The following THNSL2 variants were observed in gnomAD, a reference collection of about 807,000 sequenced individuals.
THNSL2 encodes the protein threonine synthase-like 2.
THNSL2 carries 34 observed loss-of-function variants against 40.0 expected under a neutral mutation model. That is an observed-to-expected ratio of 0.85 (90% confidence interval 0.65 to 1.13). The LOEUF (loss-of-function observed/expected upper bound fraction) is 1.13, where lower values mean the gene tolerates loss of function less well. Ranked by LOEUF, THNSL2 falls within the 50% of genes most tolerant of loss-of-function variation. THNSL2 has a pLI of 0.00. For synonymous variants in THNSL2, 241 were observed against 247.5 expected (o/e 0.97, Z 0.25); for missense variants, 537 against 608.8 (o/e 0.88, Z 1.24).
rs143306537 is a variant in THNSL2, at chr2:88,174,779, C to T, written c.364C>T (p.Gln122Ter). ...GGACCTGTCCCTGTCCTGCACAACA[C>T]AGTTCCTGCAGTACTTCCTGGAGAA... ...FKDLSLSCTT[Q>*]FLQYFLEKRE... Residue 122 changes from glutamine (Q) to a stop codon, truncating the protein, a stop_gained, in exon 3 of 9, where the codon CAG (glutamine) becomes TAG (stop). Transcript: ENST00000674334. LOFTEE classifies it high-confidence loss of function. The T allele has an allele frequency of 5.6e-6, 9 of 1,614,126 alleles. No homozygotes were observed. Among genetic ancestry groups the T allele is most frequent in the Non-Finnish European group, 7.6e-6 (9 of 1,180,052 alleles).
intron 4 of THNSL2, 29 bp from the exon 5 acceptor site, chr2:88,178,754 C>G (rs1244519379): frequency 1.2e-6 from 2 of 1,612,950 alleles, no homozygotes; most frequent in Non-Finnish European, 1.7e-6. Flanking sequence ...ATGCTCCTGA[C>G]AGCTGCCCTC....
Position 88,186,288 on chromosome 2 carries a change from C to A in THNSL2, c.*165C>A. The A allele has an allele frequency of 1.4e-6, 1 of 696,438 alleles. No homozygotes were observed. The highest frequency in any genetic ancestry group is 2.4e-6 in the Non-Finnish European group (1 of 413,946). The allele number at this position is 696,438 out of a possible 1,614,324, so 43.1% of individuals were successfully genotyped here. A position where few individuals can be genotyped will look rare whatever the true frequency, so the allele number is the denominator to read the frequency against. On this transcript the variant is annotated 3_prime_UTR_variant, in exon 9 of 9. Coordinates refer to ENST00000674334, the MANE Select transcript of THNSL2 (RefSeq NM_018271.5). Reference sequence around the variant, plus strand: ...TGCTCCGTTCCCTGGCTAGTCTGTGCCTGGTCACCAGGGAGGCTGAGTGAG... The same window carrying A: ...TGCTCCGTTCCCTGGCTAGTCTGTGACTGGTCACCAGGGAGGCTGAGTGAG...
At chr2:88,183,192 C>T (rs993999299) in intron 7 of THNSL2, 119 bp downstream of exon 7, 1 of 1,380,242 alleles carries the variant, frequency 7.2e-7, no homozygotes, top group Non-Finnish European at 9.7e-7. Context: ...TGCTATGAGC[C>T]CACCACTTTT....
At position 88,174,643 on chromosome 2, in the gene THNSL2, G is replaced by T. The variant is rs1405054791; in HGVS notation, c.228G>T (p.Leu76=). Reference sequence around the variant, plus strand: ...TCCACCCCACTACCCTCACAGATCTGATCGACCGAGCCTTCAGCAGATTCC... The same window carrying T: ...TCCACCCCACTACCCTCACAGATCTTATCGACCGAGCCTTCAGCAGATTCC... ...ELLPKDELND[L]IDRAFSRFRH... is the part of the protein sequence containing the mutation. Residue 76 remains leucine, a synonymous_variant, in exon 3 of 9, where the codon CTG becomes CTT. Transcript: ENST00000674334. 6.2e-7 allele frequency: 1 copy of T among 1,613,878 alleles called. No homozygotes were observed.
intron 4 of THNSL2, 172 bp downstream of exon 4, chr2:88,175,573 C>T: frequency 4.1e-6 from 3 of 724,384 alleles, no homozygotes; most frequent in Non-Finnish European, 6.8e-6. Context: ...AGGGTTCTGG[C>T]TACACAGTAA....
At chr2:88,182,247 A>G (rs377744956) in intron 5 of THNSL2, among the ~76,000 whole-genome samples, 10 of 152,266 alleles carry the variant, frequency 6.6e-5, no homozygotes, top group Non-Finnish European at 1.2e-4. Flanking sequence ...GAATTTTCCA[A>G]TTTCTCCACA....
intron 5 of THNSL2, 93 bp downstream of exon 5, chr2:88,179,106 A>G: frequency 1.6e-6 from 2 of 1,254,914 alleles, no homozygotes; most frequent in Non-Finnish European, 2.3e-6. Flanking sequence ...TGTGAGGAGA[A>G]GGAAGGTGGA....
In THNSL2 at chr2:88,182,829, A is replaced by C. The variant is rs763656236; in HGVS notation, c.933A>C (p.Ala311=). 18 of 1,614,162 alleles carry C rather than the reference A, an allele frequency of 1.1e-5. No homozygotes were observed. The highest frequency in any genetic ancestry group is 1.5e-5 in the Non-Finnish European group (18 of 1,180,042). Residue 311 remains alanine (A), a synonymous_variant, in exon 6 of 9, where the codon GCA becomes GCC. Transcript: ENST00000674334. ...SLSEAVKSTL[A]SAMDIQVPYN... is the part of the protein sequence containing the mutation. ...CTGAGGCTGTTAAATCAACCTTGGCATCAGCTATGGACATTCAGGTAGGCC... is the reference window on the plus strand; with the variant it reads ...CTGAGGCTGTTAAATCAACCTTGGCCTCAGCTATGGACATTCAGGTAGGCC...
intron 5 of THNSL2, among the ~76,000 whole-genome samples, chr2:88,179,982 A>C (rs1291459786): frequency 6.6e-6 from 1 of 152,230 alleles, no homozygotes; most frequent in Non-Finnish European, 1.5e-5. Flanking sequence ...CTTAGTGGTT[A>C]GGAAGCTTCC....
Position 88,186,226 on chromosome 2 carries a change from G to T in THNSL2, c.*103G>T. The T allele has an allele frequency of 8.4e-7, 1 of 1,185,078 alleles. No individual in the cohort carries two copies. Among genetic ancestry groups the T allele is most frequent in the Non-Finnish European group, 1.2e-6 (1 of 830,476 alleles). The allele number at this position is 1,185,078 out of a possible 1,614,324, so 73.4% of individuals were successfully genotyped here. On this transcript the variant is annotated 3_prime_UTR_variant, in exon 9 of 9. Coordinates refer to ENST00000674334, the MANE Select transcript of THNSL2 (RefSeq NM_018271.5). ...ATTAAGCGTAGGTTAGGAGGTTTCC[G>T]GGAGGCTGCTCAGCTGGATCTGGAG... is the stretch of plus-strand genomic sequence containing the variant.
intron 1 of THNSL2, chr2:88,171,267 T>C (rs535439004): frequency 1.1e-5 from 5 of 456,400 alleles, no homozygotes; most frequent in African/African-American, 1.0e-4. Flanking sequence ...CTGGAAGGCA[T>C]TGGACAGAAC....
chr2:88,185,773 T>A (rs764168924), intron 8 of THNSL2, 125 bp from the exon 9 acceptor site: 75 of 1,542,624 alleles, frequency 4.9e-5, no homozygotes, highest in Non-Finnish European at 6.6e-5. Context: ...TCTGTCTGTG[T>A]CTCTGTCCTC....
rs773228152 is a variant in THNSL2, at chr2:88,174,802, G to A, written c.387G>A (p.Glu129=). The A allele has an allele frequency of 6.2e-7, 1 of 1,614,184 alleles. No individual in the cohort carries two copies. Among genetic ancestry groups the A allele is most frequent in the Admixed American group, 1.7e-5 (1 of 60,024 alleles). The part of the protein sequence containing the change: ...CTTQFLQYFL[E]KREKHVTVVV... ...CACAGTTCCTGCAGTACTTCCTGGA[G>A]AAGAGGGAGAAGCACGTCACTGTGG... The change falls in exon 3 of 9, where the codon GAG becomes GAA. Residue 129 remains glutamate, a synonymous_variant. Coordinates refer to ENST00000674334, the MANE Select transcript of THNSL2 (RefSeq NM_018271.5).
chr2:88,175,587 A>T, intron 4 of THNSL2, 186 bp downstream of exon 4: 1 of 652,074 alleles, frequency 1.5e-6, no homozygotes. Context: ...ACAGTAAACT[A>T]TTGGAGGTGA....
At chr2:88,175,553 A>C in intron 4 of THNSL2, 152 bp downstream of exon 4, 1 of 918,860 alleles carries the variant, frequency 1.1e-6, no homozygotes, top group Non-Finnish European at 1.6e-6. Context: ...GCCTTGGCTC[A>C]GCTCTGGGCA....
chr2:88,182,870 G>C (rs1677845752), intron 6 of THNSL2, 23 bp downstream of exon 6: 2 of 1,613,092 alleles, frequency 1.2e-6, no homozygotes, highest in Admixed American at 3.3e-5. Context: ...GAGGTGTGCA[G>C]ATCTGGCCCA....
At chr2:88,175,189 T>G (rs1676782799) in intron 3 of THNSL2, 60 bp from the exon 4 acceptor site, 1 of 1,559,494 alleles carries the variant, frequency 6.4e-7, no homozygotes, top group Non-Finnish European at 8.7e-7. Context: ...GGGGACCATT[T>G]CTTTCCTCGT....
intron 1 of THNSL2, among the ~76,000 whole-genome samples, 167 bp downstream of exon 1, chr2:88,170,623 G>C (rs1362158473): frequency 6.6e-6 from 1 of 152,248 alleles, no homozygotes; most frequent in Non-Finnish European, 1.5e-5. Flanking sequence ...AGGAACTTGG[G>C]AGGGTGGTGC....
At chr2:88,181,560 C>A (rs1214468902) in intron 5 of THNSL2, among the ~76,000 whole-genome samples, 1 of 125,364 alleles carries the variant, frequency 8.0e-6, no homozygotes, top group Non-Finnish European at 1.6e-5. Context: ...CCCTCTCTCT[C>A]CTCTCTCTCT....
Sources: allele counts gnomAD v4.1 joint callset (sites outside exome capture counted in the v4.1 genomes callset), GRCh38; gene constraint gnomAD v4.1.1; transcripts MANE v1.5; gene names NCBI Gene and HGNC (gene_info 2026-07-23, HGNC 2026-07-21).